GPC5: variants seen among roughly 807,000 people sequenced by gnomAD.
GPC5 encodes the protein glypican-5.
A neutral mutation model predicts 53.9 loss-of-function variants in GPC5; 47 were observed. The observed-to-expected ratio is 0.87, with a 90% CI of 0.69 to 1.11. The LOEUF (loss-of-function observed/expected upper bound fraction) is 1.11, where lower values mean the gene tolerates loss of function less well. Ranked by LOEUF, GPC5 falls within the 50% of genes most tolerant of loss-of-function variation. The probability of loss-of-function intolerance (pLI) is 0.00; values close to 1 mark genes in which losing one functional copy is unlikely to be tolerated. For synonymous variants in GPC5, 286 were observed against 263.3 expected (o/e 1.09, Z -0.84); for missense variants, 748 against 713.1 (o/e 1.05, Z -0.56).
intron 7 of GPC5, among the ~76,000 whole-genome samples, chr13:92,855,385 A>C (rs1311955801): frequency 6.6e-6 from 1 of 152,012 alleles, no homozygotes; most frequent in Non-Finnish European, 1.5e-5. Flanking sequence ...AAGATTTCAC[A>C]CTTCTTCCTA....
chr13:92,578,962 C>A (rs1417655429), intron 7 of GPC5, among the ~76,000 whole-genome samples: 2 of 151,996 alleles, frequency 1.3e-5, no homozygotes, highest in African/African-American at 4.8e-5. Flanking sequence ...CCAGAGAATT[C>A]AAATGGAAGA....
chr13:92,199,673 A>C (rs756524114), intron 7 of GPC5, among the ~76,000 whole-genome samples: 3 of 152,200 alleles, frequency 2.0e-5, no homozygotes, highest in Non-Finnish European at 2.9e-5. Flanking sequence ...AACACTACTA[A>C]AGAAATATTA....
chr13:92,712,207 A>G (rs1424122133), intron 7 of GPC5, among the ~76,000 whole-genome samples: 2 of 152,046 alleles, frequency 1.3e-5, no homozygotes, highest in Non-Finnish European at 2.9e-5. Flanking sequence ...ACATTGTTAC[A>G]GTGATTCTGT....
intron 7 of GPC5, among the ~76,000 whole-genome samples, chr13:92,582,413 C>A (rs1883402617): frequency 6.6e-6 from 1 of 151,980 alleles, no homozygotes; most frequent in African/African-American, 2.4e-5. Context: ...ATTCCTATAG[C>A]TTTAGAGTAG....
chr13:91,607,964 A>T (rs1536419), intron 2 of GPC5, among the ~76,000 whole-genome samples: 1 of 152,264 alleles, frequency 6.6e-6, no homozygotes, highest in South Asian at 2.1e-4. Flanking sequence ...CTTTCGAAGA[A>T]GGCTGCTTTT....
At chr13:92,090,643 G>A (rs567724834) in intron 6 of GPC5, among the ~76,000 whole-genome samples, 28 of 152,204 alleles carry the variant, frequency 1.8e-4, no homozygotes, top group Non-Finnish European at 1.0e-4. Flanking sequence ...ACCTAGGATG[G>A]GAAACCCGTT....
At chr13:91,673,010 C>G (rs1476548741) in intron 2 of GPC5, among the ~76,000 whole-genome samples, 1 of 151,750 alleles carries the variant, frequency 6.6e-6, no homozygotes, top group Admixed American at 6.6e-5. Context: ...TGTTCTCATT[C>G]GTAAGTGGGA....
At chr13:91,991,613 C>T (rs2040457259) in intron 6 of GPC5, among the ~76,000 whole-genome samples, 2 of 152,042 alleles carry the variant, frequency 1.3e-5, no homozygotes, top group African/African-American at 4.8e-5. Context: ...TTCCCGTAAA[C>T]ATCAAGTTGT....
chr13:91,818,750 A>G (rs375879264), intron 5 of GPC5, among the ~76,000 whole-genome samples: 4 of 152,170 alleles, frequency 2.6e-5, no homozygotes, highest in African/African-American at 9.7e-5. Context: ...TGCAGGGGAA[A>G]GTAACATGCA....
At position 91,697,903 on chromosome 13, in the gene GPC5, C is replaced by CT. The variant is rs200034619; in HGVS notation, c.1020+4038dup. Among the ~76,000 whole-genome samples the CT allele has an allele frequency of 1.7e-3, 232 of 139,200 alleles. No homozygotes were observed. In the South Asian group the frequency reaches 0.018, roughly 11 times the overall value. 91.3% of individuals were successfully genotyped at this position (139,200 alleles called of 152,430 possible). On this transcript the variant is annotated intron_variant, in intron 3 of 7. Coordinates refer to ENST00000377067, the MANE Select transcript of GPC5 (RefSeq NM_004466.6). The stretch of plus-strand genomic sequence containing the variant: ...CAGTTTTAGGAAAAAAAGATGTTTT[C>CT]TTTTTTTTTTTTTTTTGAGACGGAG...
At position 92,260,099 on chromosome 13, in the gene GPC5, G is replaced by T. The variant is rs148173848; in HGVS notation, c.1561+115110G>T. Among the ~76,000 whole-genome samples the T allele has an allele frequency of 4.2e-4, 64 of 152,244 alleles. No homozygotes were observed. In the East Asian group the frequency reaches 9.1e-3, roughly 22 times the overall value. ...AAGCCTCTCTACTCACTAATGCTGG[G>T]ATTCACGTTCAGTTCTTTGGAACAT... On this transcript the variant is annotated intron_variant, in intron 7 of 7. Coordinates refer to ENST00000377067, the MANE Select transcript of GPC5 (RefSeq NM_004466.6).
At chr13:91,845,847 G>A (rs1317415967) in intron 5 of GPC5, among the ~76,000 whole-genome samples, 1 of 152,088 alleles carries the variant, frequency 6.6e-6, no homozygotes, top group Non-Finnish European at 1.5e-5. Context: ...TCACTTACTA[G>A]CTGCATGATT....
rs1021345005 is a variant in GPC5, at chr13:92,332,697, G to A, written c.1561+187708G>A. Among the ~76,000 whole-genome samples the A allele has an allele frequency of 5.9e-5, 9 of 152,126 alleles. No individual in the cohort carries two copies. The East Asian group carries it at 1.3e-3, about 23-fold the overall frequency. ...ATATTTCAATATAATTTGGAAATGA[G>A]TTAGACAAAAACAGAAAAAGACTAT... On this transcript the variant is annotated intron_variant, in intron 7 of 7. Transcript: ENST00000377067.
At chr13:91,500,967 T>C (rs546436976) in intron 2 of GPC5, among the ~76,000 whole-genome samples, 2 of 152,300 alleles carry the variant, frequency 1.3e-5, no homozygotes, top group Admixed American at 1.3e-4. Context: ...TCTTGTCTAC[T>C]GCCATGGAAG....
intron 6 of GPC5, among the ~76,000 whole-genome samples, chr13:91,971,447 T>C (rs1176678333): frequency 1.3e-5 from 2 of 152,204 alleles, no homozygotes; most frequent in African/African-American, 4.8e-5. Flanking sequence ...TTTGAAGAGA[T>C]TTTGTGTCTC....
At chr13:91,960,634 C>T (rs935724657) in intron 6 of GPC5, among the ~76,000 whole-genome samples, 2 of 151,792 alleles carry the variant, frequency 1.3e-5, no homozygotes, top group Non-Finnish European at 2.9e-5. Context: ...AAGCTGGAGG[C>T]GTCACACAAC....
chr13:92,286,703 G>A (rs1329124786), intron 7 of GPC5, among the ~76,000 whole-genome samples: 1 of 149,346 alleles, frequency 6.7e-6, no homozygotes, highest in Non-Finnish European at 1.5e-5. Flanking sequence ...CTTGGACACA[G>A]GAAGGGGAAC....
At chr13:92,035,039 T>C (rs2040881632) in intron 6 of GPC5, among the ~76,000 whole-genome samples, 1 of 152,142 alleles carries the variant, frequency 6.6e-6, no homozygotes, top group African/African-American at 2.4e-5. Flanking sequence ...AAATAGTTGG[T>C]AAATCTCATG....
At position 91,634,479 on chromosome 13, in the gene GPC5, T is replaced by G. The variant is rs1478341058; in HGVS notation, c.326-58708T>G. Among the ~76,000 whole-genome samples, 3 of 152,056 alleles carry G rather than the reference T, an allele frequency of 2.0e-5. No homozygotes were observed. In the East Asian group the frequency reaches 5.8e-4, roughly 29 times the overall value. On this transcript the variant is annotated intron_variant, in intron 2 of 7. Coordinates refer to ENST00000377067, the MANE Select transcript of GPC5 (RefSeq NM_004466.6). Reference sequence around the variant, plus strand: ...TTGATGTAAGTTGAGTTTATACTTGTTGAATTAGAAGAAAAATAAATGCTG... The same window carrying G: ...TTGATGTAAGTTGAGTTTATACTTGGTGAATTAGAAGAAAAATAAATGCTG...
Sources: allele counts gnomAD v4.1 joint callset (sites outside exome capture counted in the v4.1 genomes callset), GRCh38; gene constraint gnomAD v4.1.1; transcripts MANE v1.5; gene names NCBI Gene and HGNC (gene_info 2026-07-23, HGNC 2026-07-21).